The following CDH20 variants were observed in gnomAD, a reference collection of about 807,000 sequenced individuals.
The protein encoded by CDH20 is cadherin-20.
Under a neutral mutation model 74.2 loss-of-function variants are expected in CDH20, and 29 were observed. The observed-to-expected ratio is 0.39, with a 90% CI of 0.29 to 0.53. CDH20 has a LOEUF of 0.53. Ranked by LOEUF, CDH20 falls within the 20% of genes least tolerant of loss-of-function variation. The pLI is 0.69. For missense variants in CDH20, 988 were observed against 1,048.3 expected, an observed-to-expected ratio of 0.94 and a Z score of 0.79; for synonymous variants, 469 against 405.4, an observed-to-expected ratio of 1.16 and a Z score of -1.88.
At chr18:61,413,610 C>G (rs1912585597) in intron 1 of CDH20, among the ~76,000 whole-genome samples, 1 of 151,906 alleles carries the variant, frequency 6.6e-6, no homozygotes, top group African/African-American at 2.4e-5. Flanking sequence ...TGACATCACA[C>G]CAGGGTGAAA....
chr18:61,453,288 G>T (rs539866157), intron 1 of CDH20, among the ~76,000 whole-genome samples: 2 of 152,074 alleles, frequency 1.3e-5, no homozygotes, highest in African/African-American at 4.8e-5. Flanking sequence ...TTTTTTGTTT[G>T]TTTTTTTGAG....
intron 1 of CDH20, among the ~76,000 whole-genome samples, chr18:61,428,511 T>C (rs1599078436): frequency 6.6e-6 from 1 of 152,172 alleles, no homozygotes; most frequent in Admixed American, 6.5e-5. Context: ...TGTGTGATAA[T>C]GAGGGTCTTG....
At chr18:61,462,477 G>A (rs1053682656) in intron 1 of CDH20, among the ~76,000 whole-genome samples, 7 of 152,004 alleles carry the variant, frequency 4.6e-5, no homozygotes, top group African/African-American at 1.4e-4. Flanking sequence ...ACAGTCATAG[G>A]TACTAGAGGT....
intron 1 of CDH20, among the ~76,000 whole-genome samples, chr18:61,412,879 G>A (rs1022801239): frequency 2.6e-5 from 4 of 152,192 alleles, no homozygotes; most frequent in Non-Finnish European, 4.4e-5. Flanking sequence ...ACACAAGTAT[G>A]TGAACAATGG....
At chr18:61,451,129 CTT>C (rs941667455) in intron 1 of CDH20, among the ~76,000 whole-genome samples, 1 of 146,466 alleles carries the variant, frequency 6.8e-6, no homozygotes, top group Admixed American at 6.8e-5. Context: ...TTATTTATAA[CTT>C]TTTTTTTTTA....
At position 61,527,952 on chromosome 18, in the gene CDH20, G is replaced by A; in HGVS notation, c.1018-15G>A. The A allele has an allele frequency of 6.2e-7, 1 of 1,613,558 alleles. No individual in the cohort carries two copies. Among genetic ancestry groups the A allele is most frequent in the South Asian group, 1.1e-5 (1 of 91,036 alleles). ...ACCTCAGTGGCGAATCAATTTTCCT[G>A]TCATTGCTTTTCAGCCCCTGAGTTT... On this transcript the variant is annotated splice_polypyrimidine_tract_variant and intron_variant, in intron 6 of 11. Transcript: ENST00000262717.
At chr18:61,414,486 A>C (rs1912621134) in intron 1 of CDH20, among the ~76,000 whole-genome samples, 1 of 152,198 alleles carries the variant, frequency 6.6e-6, no homozygotes, top group Non-Finnish European at 1.5e-5. Context: ...ATATTAATTG[A>C]AAACAGTATA....
At chr18:61,553,264 A>G (rs1051199799) in intron 11 of CDH20, among the ~76,000 whole-genome samples, 1 of 50,536 alleles carries the variant, frequency 2.0e-5, no homozygotes, top group East Asian at 4.4e-4. Context: ...AGCACACCAG[A>G]AAAAAAAAAA....
rs528061805 is a variant in CDH20, at chr18:61,450,692, T to C, written c.-152-39710T>C. ...TTCTGTACACATATATGTACATGTA[T>C]AGAGATATAATTTTTTACAAAATGA... On this transcript the variant is annotated intron_variant, in intron 1 of 11. Transcript: ENST00000262717. Among the ~76,000 whole-genome samples the C allele has an allele frequency of 7.9e-5, 12 of 152,188 alleles. No homozygotes were observed. In the South Asian group the frequency reaches 1.2e-3, roughly 16 times the overall value.
chr18:61,552,790 G>C (rs1453099756), intron 11 of CDH20, among the ~76,000 whole-genome samples: 1 of 152,154 alleles, frequency 6.6e-6, no homozygotes, highest in Non-Finnish European at 1.5e-5. Context: ...AAAAATACTT[G>C]GGTTTAATAA....
intron 9 of CDH20, among the ~76,000 whole-genome samples, chr18:61,542,364 C>T (rs1913069775): frequency 1.3e-5 from 2 of 152,190 alleles, no homozygotes; most frequent in South Asian, 4.1e-4. Context: ...CTCCAGGAGG[C>T]ATACCCTGAG....
intron 6 of CDH20, among the ~76,000 whole-genome samples, chr18:61,516,049 G>C (rs947767300): frequency 1.3e-5 from 2 of 152,132 alleles, no homozygotes; most frequent in African/African-American, 2.4e-5. Flanking sequence ...GGCTTGCATG[G>C]GCAGTAACAA....
intron 1 of CDH20, among the ~76,000 whole-genome samples, chr18:61,392,283 T>C (rs1911813840): frequency 6.7e-6 from 1 of 150,242 alleles, no homozygotes; most frequent in Non-Finnish European, 1.5e-5. Context: ...CATTAATGCC[T>C]CTAGACCTTT....
chr18:61,370,029 T>C (rs1196777584), intron 1 of CDH20, among the ~76,000 whole-genome samples: 2 of 152,116 alleles, frequency 1.3e-5, no homozygotes, highest in East Asian at 1.9e-4. Flanking sequence ...AGTTTACCTA[T>C]GTAACAAACC....
At chr18:61,370,552 T>C (rs944673241) in intron 1 of CDH20, among the ~76,000 whole-genome samples, 3 of 152,134 alleles carry the variant, frequency 2.0e-5, no homozygotes, top group Non-Finnish European at 2.9e-5. Flanking sequence ...GGTAAACACA[T>C]ACATTGTGAA....
intron 1 of CDH20, among the ~76,000 whole-genome samples, chr18:61,364,041 T>G (rs1910782341): frequency 6.6e-6 from 1 of 152,146 alleles, no homozygotes; most frequent in Non-Finnish European, 1.5e-5. Context: ...GCACCTTGAG[T>G]CCAGCTCACA....
At chr18:61,357,014 C>T (rs891532948) in intron 1 of CDH20, among the ~76,000 whole-genome samples, 27 of 152,280 alleles carry the variant, frequency 1.8e-4, no homozygotes, top group Admixed American at 5.2e-4. Context: ...ATTACAACAT[C>T]TAATTCTTGA....
At chr18:61,494,827 C>T (rs781007211) in intron 2 of CDH20, among the ~76,000 whole-genome samples, 7 of 152,090 alleles carry the variant, frequency 4.6e-5, no homozygotes, top group African/African-American at 7.2e-5. Flanking sequence ...CAAATCATGC[C>T]GAGGTTAACA....
chr18:61,337,559 A>C (rs2144082000), intron 1 of CDH20, among the ~76,000 whole-genome samples: 1 of 152,316 alleles, frequency 6.6e-6, no homozygotes, highest in South Asian at 2.1e-4. Flanking sequence ...CATTTAATTG[A>C]AGAAACAACC....
Sources: gnomAD v4.1 joint callset for allele counts (sites outside exome capture counted in the v4.1 genomes callset) on GRCh38, gnomAD v4.1.1 for gene constraint, MANE v1.5 for transcripts, NCBI Gene and HGNC (gene_info 2026-07-23, HGNC 2026-07-21) for gene names.